The following BACH2 variants were observed in gnomAD, a reference collection of about 807,000 sequenced individuals.
The protein encoded by BACH2 is transcription regulator protein BACH2.
Under a neutral mutation model 61.8 loss-of-function variants are expected in BACH2, and 5 were observed. The ratio of observed to expected loss-of-function variants is 0.08; its 90% CI spans 0.04 to 0.17. The LOEUF (loss-of-function observed/expected upper bound fraction) is 0.17, where lower values mean the gene tolerates loss of function less well. Among genes scored for constraint, BACH2 ranks in the 10% least tolerant of loss-of-function variants. BACH2 has a pLI of 1.00. For missense variants in BACH2, 824 were observed against 1,091.1 expected, an observed-to-expected ratio of 0.76 and a Z score of 3.45; for synonymous variants, 446 against 440.1, an observed-to-expected ratio of 1.01 and a Z score of -0.17.
chr6:90,129,492 G>A (rs13216067), intron 4 of BACH2, among the ~76,000 whole-genome samples: 6,495 of 151,904 alleles, frequency 0.043, 175 homozygotes, highest in Non-Finnish European at 0.061. Flanking sequence ...CCCTCTCTGT[G>A]TCCATGTGGT....
At chr6:90,062,371 T>C (rs1780729198) in intron 5 of BACH2, among the ~76,000 whole-genome samples, 1 of 152,148 alleles carries the variant, frequency 6.6e-6, no homozygotes, top group Admixed American at 6.5e-5. Context: ...GAAAGTTGTT[T>C]GGGTAGTTAT....
intron 2 of BACH2, among the ~76,000 whole-genome samples, chr6:90,262,418 C>T (rs571330806): frequency 1.6e-4 from 25 of 152,290 alleles, no homozygotes; most frequent in Middle Eastern, 3.4e-3. Flanking sequence ...CCAGGCCATT[C>T]AAGTGGCTGT....
At chr6:90,101,317 G>GCAAGGT (rs1407348714) in intron 4 of BACH2, among the ~76,000 whole-genome samples, 1 of 151,994 alleles carries the variant, frequency 6.6e-6, no homozygotes, top group African/African-American at 2.4e-5. Context: ...ACTGCCTAAC[G>GCAAGGT]CAAGGTCACA....
intron 5 of BACH2, among the ~76,000 whole-genome samples, chr6:90,063,358 A>G (rs1267524922): frequency 6.6e-6 from 1 of 152,228 alleles, no homozygotes; most frequent in Non-Finnish European, 1.5e-5. Flanking sequence ...TTTCCTAAGA[A>G]GCATGAAATA....
At chr6:90,291,418 C>T (rs754381255) in intron 1 of BACH2, among the ~76,000 whole-genome samples, 29 of 151,562 alleles carry the variant, frequency 1.9e-4, no homozygotes, top group Admixed American at 9.2e-4. Flanking sequence ...GTAAGATTCG[C>T]AGGACATTTC....
chr6:90,075,231 G>A (rs952935001), intron 5 of BACH2, among the ~76,000 whole-genome samples: 3 of 152,178 alleles, frequency 2.0e-5, no homozygotes, highest in Non-Finnish European at 4.4e-5. Context: ...TATGTAGGGA[G>A]AGACCCTCAT....
At chr6:90,084,334 T>C (rs1781840096) in intron 5 of BACH2, among the ~76,000 whole-genome samples, 1 of 151,960 alleles carries the variant, frequency 6.6e-6, no homozygotes, top group Non-Finnish European at 1.5e-5. Flanking sequence ...TTGATGCTCT[T>C]CTCTGTGGAA....
At position 89,950,906 on chromosome 6, in the gene BACH2, C is replaced by T; in HGVS notation, c.1200G>A (p.Lys400=). Residue 400 remains lysine (K), a synonymous_variant, in exon 7 of 9, where the codon AAG becomes AAA. Transcript: ENST00000257749. The surrounding 1 kb of genome is among the most constrained non-coding windows in gnomAD (Gnocchi z 5.3). ...GNYGQPHVGQ[K]EVSNFTMGSP... is the part of the protein sequence containing the mutation. ...ACCCCATGGTGAAGTTGGACACCTC[C>T]TTCTGGCCCACGTGGGGCTGTCCAT... 1 of 1,595,158 alleles carries T rather than the reference C, an allele frequency of 6.3e-7. No homozygotes were observed. The highest frequency in any genetic ancestry group is 8.5e-7 in the Non-Finnish European group (1 of 1,170,174).
intron 5 of BACH2, among the ~76,000 whole-genome samples, 174 bp downstream of exon 5, chr6:90,088,787 C>T (rs1332725983): frequency 6.6e-6 from 1 of 152,042 alleles, no homozygotes; most frequent in African/African-American, 2.4e-5. Context: ...TTAAGAGCCA[C>T]TGAGTTAAGG....
In BACH2 at chr6:89,992,873, A is replaced by T. The variant is rs750494216; in HGVS notation, c.243+15729T>A. On this transcript the variant is annotated intron_variant, in intron 6 of 8. Coordinates refer to ENST00000257749, the MANE Select transcript of BACH2 (RefSeq NM_021813.4). Reference sequence around the variant, plus strand: ...GTTGTTATAAAGTTTACTCTTTAACACATATTGAAGCCCTAATCCCCAGTA... The same window carrying T: ...GTTGTTATAAAGTTTACTCTTTAACTCATATTGAAGCCCTAATCCCCAGTA... 8.5e-5 allele frequency among the ~76,000 whole-genome samples: 13 copies of T among 152,350 alleles called. No individual in the cohort carries two copies. In the South Asian group the frequency reaches 1.0e-3, roughly 12 times the overall value.
intron 6 of BACH2, among the ~76,000 whole-genome samples, chr6:89,982,800 C>T (rs1240426712): frequency 6.6e-6 from 1 of 152,168 alleles, no homozygotes; most frequent in Non-Finnish European, 1.5e-5. Context: ...GTTACAGAGC[C>T]ATGGCAAGCA....
At chr6:90,106,934 C>T (rs564900909) in intron 4 of BACH2, among the ~76,000 whole-genome samples, 95 of 152,346 alleles carry the variant, frequency 6.2e-4, no homozygotes, top group Non-Finnish European at 1.1e-3. Flanking sequence ...CGCCTCCTCT[C>T]TTTCCTCAAG....
intron 4 of BACH2, among the ~76,000 whole-genome samples, chr6:90,191,275 AT>A (rs1264661765): frequency 1.3e-5 from 2 of 152,226 alleles, no homozygotes; most frequent in African/African-American, 4.8e-5. Flanking sequence ...CATAATGGAT[AT>A]TTAAGAAGTA....
chr6:90,039,063 C>G (rs2127790427), intron 5 of BACH2, among the ~76,000 whole-genome samples: 1 of 151,274 alleles, frequency 6.6e-6, no homozygotes. Context: ...AAAAAGTTTA[C>G]ATACTAAGCC....
At chr6:90,014,482 T>A (rs1260142922) in intron 5 of BACH2, among the ~76,000 whole-genome samples, 7 of 125,548 alleles carry the variant, frequency 5.6e-5, no homozygotes, top group African/African-American at 1.9e-4. Flanking sequence ...TTTTTTTTTT[T>A]TTTTTTTTTT....
chr6:90,146,345 T>C (rs992530985), intron 4 of BACH2, among the ~76,000 whole-genome samples: 3 of 152,242 alleles, frequency 2.0e-5, no homozygotes, highest in African/African-American at 7.2e-5. Context: ...GTATATTTAT[T>C]TAGCACTCTC....
At chr6:90,047,328 T>C (rs1244095784) in intron 5 of BACH2, among the ~76,000 whole-genome samples, 2 of 152,186 alleles carry the variant, frequency 1.3e-5, no homozygotes, top group East Asian at 3.9e-4. Flanking sequence ...TTCTGTGCTG[T>C]ACAGCCAGGT....
In BACH2 at chr6:89,932,728, T is replaced by G. The variant is rs745740912; in HGVS notation, c.2206A>C (p.Met736Leu). 1.2e-6 allele frequency: 2 copies of G among 1,614,122 alleles called. No homozygotes were observed. The highest frequency in any genetic ancestry group is 1.7e-5 in the Admixed American group (1 of 60,014). ...ATACTGGAGGCCGTGGGCAAGTCCA[T>G]GGGTCTGAGGACAGGGCAATACCGA... ...LHRYCPVLRP[M>L]DLPTASSINP... is the part of the protein sequence containing the mutation. The change falls in exon 9 of 9, where the codon ATG becomes CTG. Residue 736 changes from methionine to leucine, a missense_variant. Physicochemically the swap from Met to Leu is conservative, Grantham distance 15 (BLOSUM62 2). This residue lies in a region of BACH2 where 135 missense variants were observed against 142.7 expected (regional missense o/e 0.95). Transcript: ENST00000257749.
chr6:90,111,547 CTT>C (rs1277869127), intron 4 of BACH2, among the ~76,000 whole-genome samples: 1 of 152,186 alleles, frequency 6.6e-6, no homozygotes, highest in Non-Finnish European at 1.5e-5. Flanking sequence ...CTGTGGATCT[CTT>C]TAAACCTATC....
Sources: allele counts gnomAD v4.1 joint callset (sites outside exome capture counted in the v4.1 genomes callset), GRCh38; gene constraint gnomAD v4.1.1; regional missense constraint gnomAD v4.1.1; non-coding constraint Gnocchi (gnomAD v3.1); transcripts MANE v1.5; gene names NCBI Gene and HGNC (gene_info 2026-07-23, HGNC 2026-07-21).